Variants in CCT3 observed in about 807,000 individuals in gnomAD.
The protein encoded by CCT3 is T-complex protein 1 subunit gamma.
In CCT3, 10 loss-of-function variants were observed where a neutral mutation model predicts 65.3. The ratio of observed to expected loss-of-function variants is 0.15; its 90% CI spans 0.09 to 0.26. CCT3 has a LOEUF of 0.26. Among genes scored for constraint, CCT3 ranks in the 10% least tolerant of loss-of-function variants. The probability of loss-of-function intolerance (pLI) is 1.00; values close to 1 mark genes in which losing one functional copy is unlikely to be tolerated. For missense variants in CCT3, 626 were observed against 708.7 expected, an observed-to-expected ratio of 0.88 and a Z score of 1.33; for synonymous variants, 225 against 242.3, an observed-to-expected ratio of 0.93 and a Z score of 0.66.
intron 11 of CCT3, among the ~76,000 whole-genome samples, chr1:156,311,427 C>T (rs972495589): frequency 6.6e-6 from 1 of 152,062 alleles, no homozygotes; most frequent in African/African-American, 2.4e-5. Context: ...GGGGTGTCAC[C>T]CAACCATAAA....
rs761365832 is a variant in CCT3 at position 156,318,844 on chromosome 1, A to G, written c.759+24T>C. On this transcript the variant is annotated intron_variant, in intron 8 of 13. Transcript: ENST00000295688. ...GCAGTCAGATTCTTGCATCTACTTT[A>G]AGGAACAAGGCCAAGAACCTTACCT... 7 of 1,597,170 alleles carry G rather than the reference A, an allele frequency of 4.4e-6. No homozygotes were observed. The Admixed American group carries it at 5.4e-5, about 12-fold the overall frequency.
intron 7 of CCT3, 45 bp from the exon 8 acceptor site, chr1:156,319,062 T>C: frequency 6.6e-7 from 1 of 1,525,346 alleles, no homozygotes; most frequent in Middle Eastern, 1.7e-4. Context: ...CAAGAGACAA[T>C]TTCTTAATTT....
intron 1 of CCT3, 149 bp downstream of exon 1, chr1:156,338,005 G>A (rs978851816): frequency 7.3e-6 from 6 of 824,116 alleles, no homozygotes; most frequent in South Asian, 6.2e-5. Flanking sequence ...GAGAAGAGAG[G>A]AAAGCGGGAC....
chr1:156,316,664 C>T (rs1664326063), intron 10 of CCT3, among the ~76,000 whole-genome samples: 1 of 152,196 alleles, frequency 6.6e-6, no homozygotes. Context: ...GAGTTTGAGA[C>T]AGGCCTAGGT....
At chr1:156,313,338 CAAAAAAAAAAAGAA>C (rs1200826544) in intron 10 of CCT3, among the ~76,000 whole-genome samples, 8 of 29,478 alleles carry the variant, frequency 2.7e-4, no homozygotes, top group Middle Eastern at 0.013. Flanking sequence ...GATTCTGTCT[CAAAAAAAAAAAGAA>C]AAAAAAAAAA....
At chr1:156,325,858 C>T (rs1171518689) in intron 5 of CCT3, among the ~76,000 whole-genome samples, 2 of 151,962 alleles carry the variant, frequency 1.3e-5, no homozygotes, top group East Asian at 3.9e-4. Context: ...GCTGGGATTA[C>T]AGGCGTAAGC....
At chr1:156,334,084 A>G (rs544937057) in intron 4 of CCT3, among the ~76,000 whole-genome samples, 10 of 152,276 alleles carry the variant, frequency 6.6e-5, no homozygotes, top group African/African-American at 2.4e-4. Flanking sequence ...CTAAAAGTAC[A>G]AAAATTAAGC....
At chr1:156,331,196 A>C (rs1272345974) in intron 5 of CCT3, among the ~76,000 whole-genome samples, 1 of 151,010 alleles carries the variant, frequency 6.6e-6, no homozygotes, top group Admixed American at 6.6e-5. Context: ...GCACAACTGT[A>C]CTCTAGCCTG....
chr1:156,325,577 ATTTTTTTTTT>A (rs549653555), intron 5 of CCT3, among the ~76,000 whole-genome samples: 4 of 137,944 alleles, frequency 2.9e-5, no homozygotes, highest in Non-Finnish European at 4.7e-5. Context: ...TATTCTTTTG[ATTTTTTTTTT>A]TTTTTTTTGA....
chr1:156,335,182 T>C lies in CCT3; in HGVS notation c.94-264A>G, dbSNP rs575185683. 3 of 421,268 alleles carry C rather than the reference T, an allele frequency of 7.1e-6. No individual in the cohort carries two copies. In the Admixed American group the frequency reaches 1.2e-4, roughly 17 times the overall value. The allele number at this position is 421,268 out of a possible 1,614,324, so 26.1% of individuals were successfully genotyped here. A position where few individuals can be genotyped will look rare whatever the true frequency, so the allele number is the denominator to read the frequency against. On this transcript the variant is annotated intron_variant, in intron 2 of 13. Transcript: ENST00000295688. ...CATTCCGCCCAGCCAGAGTCAGTGT[T>C]TTTAATGACACCCCTAAAGCATGGT...
chr1:156,320,296 C>T (rs2101645543), intron 7 of CCT3, among the ~76,000 whole-genome samples: 1 of 152,226 alleles, frequency 6.6e-6, no homozygotes, highest in East Asian at 1.9e-4. Flanking sequence ...GTAATCCCAA[C>T]TATTTTAAAG....
rs571995074 is a variant in CCT3, at chr1:156,330,988, C to T, written c.304+2559G>A. Among the ~76,000 whole-genome samples, 18 of 151,814 alleles carry T rather than the reference C, an allele frequency of 1.2e-4. No homozygotes were observed. In the East Asian group the frequency reaches 3.1e-3, roughly 26 times the overall value. On this transcript the variant is annotated intron_variant, in intron 5 of 13. Transcript: ENST00000295688. ...TGGCTCACAGCCTGTAATCCCAGCA[C>T]TTTGGGAGGCTGAGGCAGGTGGATC... is the stretch of plus-strand genomic sequence containing the variant.
intron 2 of CCT3, chr1:156,335,267 T>A (rs1665284927): frequency 4.7e-6 from 1 of 214,266 alleles, no homozygotes; most frequent in Non-Finnish European, 9.3e-6. Context: ...AGCTCTGTTG[T>A]TTTTCTCCCC....
At chr1:156,334,635 G>C (rs1422399017) in intron 4 of CCT3, 78 bp downstream of exon 4, 1 of 1,380,944 alleles carries the variant, frequency 7.2e-7, no homozygotes, top group Non-Finnish European at 1.0e-6. Flanking sequence ...AAACTAATCA[G>C]AGCCTGTATC....
chr1:156,318,969 T>C lies in CCT3; in HGVS notation c.658A>G (p.Ile220Val). The C allele has an allele frequency of 1.2e-6, 2 of 1,614,048 alleles. No individual in the cohort carries two copies. The highest frequency in any genetic ancestry group is 1.1e-5 in the South Asian group (1 of 91,078). ...CGTGGATGGGTCACATCCTTGTTAA[T>C]CATGACTCCACGCAAGACACAGGAG... ...EDSCVLRGVMINKDVTHPRMR... is the reference protein window; with the variant it reads ...EDSCVLRGVMVNKDVTHPRMR... The change falls in exon 8 of 14, where the codon ATT becomes GTT. Residue 220 changes from isoleucine to valine, a missense_variant. Ile to Val is a conservative substitution (Grantham distance 29). Coordinates refer to ENST00000295688, the MANE Select transcript of CCT3 (RefSeq NM_005998.5).
chr1:156,335,609 T>C (rs770385421), intron 2 of CCT3: 7 of 505,230 alleles, frequency 1.4e-5, no homozygotes, highest in South Asian at 7.0e-5. Flanking sequence ...AACAGAATAA[T>C]GCACAAGTTA....
At chr1:156,313,349 A>AG (rs1212699765) in intron 10 of CCT3, among the ~76,000 whole-genome samples, 3 of 114,242 alleles carry the variant, frequency 2.6e-5, no homozygotes, top group African/African-American at 3.5e-5. Flanking sequence ...AAAAAAAAAA[A>AG]GAAAAAAAAA....
chr1:156,323,152 C>A (rs924244419), intron 6 of CCT3, among the ~76,000 whole-genome samples: 1 of 151,772 alleles, frequency 6.6e-6, no homozygotes, highest in Non-Finnish European at 1.5e-5. Flanking sequence ...ACTAAAAATA[C>A]AAAATTAGCC....
At chr1:156,337,347 GCAGTGAA>G (rs1212013360) in intron 1 of CCT3, 2 of 249,774 alleles carry the variant, frequency 8.0e-6, no homozygotes, top group African/African-American at 4.8e-5. Context: ...GGCAGAGGTT[GCAGTGAA>G]CAGAGATCGC....
Sources: allele counts gnomAD v4.1 joint callset (sites outside exome capture counted in the v4.1 genomes callset), GRCh38; gene constraint gnomAD v4.1.1; transcripts MANE v1.5; gene names NCBI Gene and HGNC (gene_info 2026-07-23, HGNC 2026-07-21).